Variants in THSD7A observed in about 807,000 individuals in gnomAD.
THSD7A encodes the protein thrombospondin type 1 domain containing 7A, also known as thrombospondin type-1 domain-containing protein 7A.
A neutral mutation model predicts 231.3 loss-of-function variants in THSD7A; 96 were observed. That is an observed-to-expected ratio of 0.41 (90% CI 0.35 to 0.49). The LOEUF (loss-of-function observed/expected upper bound fraction) is 0.49, where lower values mean the gene tolerates loss of function less well. Ranked by LOEUF, THSD7A falls within the 20% of genes least tolerant of loss-of-function variation. THSD7A has a pLI of 0.05. For missense variants in THSD7A, 2,290 were observed against 2,070.2 expected, an observed-to-expected ratio of 1.11 and a Z score of -2.06; for synonymous variants, 940 against 743.3, an observed-to-expected ratio of 1.26 and a Z score of -4.30.
chr7:11,634,858 CTAAT>C lies in THSD7A; in HGVS notation c.1022+1268_1022+1271del, dbSNP rs755990227. On this transcript the variant is annotated intron_variant, in intron 2 of 27. Coordinates refer to ENST00000423059, the MANE Select transcript of THSD7A (RefSeq NM_015204.3). This position sits in a 1 kb window ranked among gnomAD's most constrained non-coding sequence, Gnocchi z 4.1. ...GACAGACCAATCAATTTTTGTTTATCTAATTAAACTATATCCTTTTCCAAAAACA... is the reference window on the plus strand; with the variant it reads ...GACAGACCAATCAATTTTTGTTTATCTAAACTATATCCTTTTCCAAAAACA... Among the ~76,000 whole-genome samples the C allele has an allele frequency of 6.6e-6, 1 of 151,852 alleles. No homozygotes were observed. Among genetic ancestry groups the C allele is most frequent in the African/African-American group, 2.4e-5 (1 of 41,322 alleles).
intron 6 of THSD7A, among the ~76,000 whole-genome samples, chr7:11,538,968 G>A (rs1789029506): frequency 6.6e-6 from 1 of 152,170 alleles, no homozygotes; most frequent in African/African-American, 2.4e-5. Context: ...TGTGAGGAAT[G>A]TGGGAGCAAA....
At chr7:11,775,133 G>A (rs1378594488) in intron 1 of THSD7A, among the ~76,000 whole-genome samples, 2 of 152,046 alleles carry the variant, frequency 1.3e-5, no homozygotes, top group Non-Finnish European at 2.9e-5. Flanking sequence ...ATAATTTGTA[G>A]TAAAAAGAAA....
At chr7:11,395,208 G>C (rs1273411894) in intron 23 of THSD7A, among the ~76,000 whole-genome samples, 1 of 150,440 alleles carries the variant, frequency 6.6e-6, no homozygotes, top group South Asian at 2.1e-4. Flanking sequence ...AACCAACAAA[G>C]ATCAAAAGAG....
intron 6 of THSD7A, among the ~76,000 whole-genome samples, chr7:11,496,148 G>A (rs1415045057): frequency 1.3e-5 from 2 of 152,060 alleles, no homozygotes; most frequent in East Asian, 1.9e-4. Context: ...CTTTTATTGT[G>A]CAATGTTATG....
intron 1 of THSD7A, among the ~76,000 whole-genome samples, chr7:11,664,428 G>C (rs1162805202): frequency 6.6e-6 from 1 of 151,856 alleles, no homozygotes; most frequent in Non-Finnish European, 1.5e-5. Context: ...GAAGAAAAGA[G>C]AACATACCTC....
At chr7:11,725,742 A>C (rs1227994047) in intron 1 of THSD7A, among the ~76,000 whole-genome samples, 1 of 151,984 alleles carries the variant, frequency 6.6e-6, no homozygotes, top group Non-Finnish European at 1.5e-5. Flanking sequence ...TGATTTAAAC[A>C]TACGCAGTTG....
intron 6 of THSD7A, among the ~76,000 whole-genome samples, chr7:11,524,420 T>C (rs553835370): frequency 6.2e-4 from 94 of 152,306 alleles, no homozygotes; most frequent in African/African-American, 2.1e-3. Context: ...GTACAGTTTT[T>C]AGAAAAAGCA....
chr7:11,532,554 T>G (rs1384733869), intron 6 of THSD7A, among the ~76,000 whole-genome samples: 1 of 152,168 alleles, frequency 6.6e-6, no homozygotes, highest in African/African-American at 2.4e-5. Context: ...TTCCTACCCA[T>G]TGAATCTAGA....
intron 6 of THSD7A, among the ~76,000 whole-genome samples, chr7:11,483,227 T>C (rs1484114489): frequency 6.6e-6 from 1 of 152,212 alleles, no homozygotes; most frequent in Admixed American, 6.5e-5. Context: ...CCTTTATTCA[T>C]ATGCTTTAAA....
At chr7:11,599,481 A>G (rs1190161011) in intron 2 of THSD7A, among the ~76,000 whole-genome samples, 2 of 152,222 alleles carry the variant, frequency 1.3e-5, no homozygotes, top group Admixed American at 1.3e-4. Context: ...ATACACTTGT[A>G]CTAAGAAAAT....
At chr7:11,388,998 T>A (rs1027942244) in intron 23 of THSD7A, among the ~76,000 whole-genome samples, 1 of 152,200 alleles carries the variant, frequency 6.6e-6, no homozygotes, top group African/African-American at 2.4e-5. Context: ...TCTTTTGCAT[T>A]TGCTGAGGAG....
chr7:11,509,494 A>C (rs972787732), intron 6 of THSD7A, among the ~76,000 whole-genome samples: 1 of 152,176 alleles, frequency 6.6e-6, no homozygotes, highest in Non-Finnish European at 1.5e-5. Flanking sequence ...TAATATTTAC[A>C]ATTTACAGAT....
At chr7:11,810,729 G>A (rs1471386351) in intron 1 of THSD7A, among the ~76,000 whole-genome samples, 2 of 152,166 alleles carry the variant, frequency 1.3e-5, no homozygotes, top group Non-Finnish European at 2.9e-5. Flanking sequence ...ACATGGACAT[G>A]TAGGCAAAAT....
chr7:11,501,908 A>G (rs1013199369), intron 6 of THSD7A, among the ~76,000 whole-genome samples: 1 of 152,054 alleles, frequency 6.6e-6, no homozygotes, highest in Non-Finnish European at 1.5e-5. Flanking sequence ...GAAGAGAGAA[A>G]AGCCAAATAA....
intron 1 of THSD7A, among the ~76,000 whole-genome samples, chr7:11,811,870 A>T (rs940196906): frequency 2.6e-5 from 4 of 152,204 alleles, no homozygotes; most frequent in Non-Finnish European, 5.9e-5. Flanking sequence ...TTTAAAGGAC[A>T]CAGTGAAAGT....
intron 1 of THSD7A, among the ~76,000 whole-genome samples, chr7:11,722,301 G>A (rs547897831): frequency 6.6e-6 from 1 of 152,034 alleles, no homozygotes; most frequent in South Asian, 2.1e-4. Flanking sequence ...GGAAGGGGGT[G>A]AATACTGCTA....
chr7:11,572,532 C>G (rs1790684551), intron 4 of THSD7A, among the ~76,000 whole-genome samples: 1 of 151,908 alleles, frequency 6.6e-6, no homozygotes, highest in Non-Finnish European at 1.5e-5. Flanking sequence ...TTTGGGGGGA[C>G]AGGGTCTCAC....
intron 1 of THSD7A, among the ~76,000 whole-genome samples, chr7:11,796,765 T>C (rs1784137342): frequency 2.0e-5 from 3 of 152,248 alleles, no homozygotes; most frequent in South Asian, 4.1e-4. Context: ...TATCAAACTT[T>C]CTCATTAATG....
intron 1 of THSD7A, among the ~76,000 whole-genome samples, chr7:11,741,046 A>G (rs536476591): frequency 6.6e-6 from 1 of 152,088 alleles, no homozygotes; most frequent in African/African-American, 2.4e-5. Flanking sequence ...GAGAATGCCA[A>G]TATTTTGCTA....
Sources: gnomAD v4.1 joint callset for allele counts (sites outside exome capture counted in the v4.1 genomes callset) on GRCh38, gnomAD v4.1.1 for gene constraint, Gnocchi (gnomAD v3.1) non-coding constraint, MANE v1.5 for transcripts, NCBI Gene and HGNC (gene_info 2026-07-23, HGNC 2026-07-21) for gene names.